Variants in ANKRD36 observed in about 807,000 individuals in gnomAD.
The protein encoded by ANKRD36 is ankyrin repeat domain-containing protein 36A.
Under a neutral mutation model 278.1 loss-of-function variants are expected in ANKRD36, and 179 were observed. The observed-to-expected ratio is 0.64, with a 90% CI of 0.57 to 0.73. The LOEUF is 0.73. ANKRD36 is among the 30% of genes least tolerant of loss of function. The pLI, the probability that ANKRD36 is intolerant of heterozygous loss-of-function variation, is 0.00. For missense variants in ANKRD36, 1,159 were observed against 1,956.7 expected (o/e 0.59, Z 7.69); for synonymous variants, 320 against 641.1 (o/e 0.50, Z 7.57).
chr2:97,159,835 G>T (rs2153485068), intron 17 of ANKRD36, among the ~76,000 whole-genome samples: 1 of 151,534 alleles, frequency 6.6e-6, no homozygotes, highest in African/African-American at 2.4e-5. Context: ...CAGGCTGGAG[G>T]GCAGTGGGCG....
intron 24 of ANKRD36, among the ~76,000 whole-genome samples, chr2:97,180,660 T>C (rs900223280): frequency 3.3e-5 from 5 of 151,642 alleles, no homozygotes; most frequent in African/African-American, 1.2e-4. Context: ...GAGATAAACT[T>C]GCATATGAAT....
At chr2:97,202,276 T>A (rs747017033) in intron 47 of ANKRD36, 45 bp from the exon 48 acceptor site, 2 of 1,603,498 alleles carry the variant, frequency 1.2e-6, no homozygotes, top group African/African-American at 2.7e-5. Flanking sequence ...ATGTATGGTC[T>A]ATGAAACATA....
At chr2:97,177,409 A>T (rs1428612713) in intron 22 of ANKRD36, among the ~76,000 whole-genome samples, 1 of 151,750 alleles carries the variant, frequency 6.6e-6, no homozygotes. Flanking sequence ...GAGGCATCAC[A>T]CTACCTGACT....
At position 97,187,196 on chromosome 2, in the gene ANKRD36, A is replaced by C. The variant is rs1443148096; in HGVS notation, c.2042-2A>C. 15 of 1,609,674 alleles carry C rather than the reference A, an allele frequency of 9.3e-6. No homozygotes were observed. The highest frequency in any genetic ancestry group is 1.3e-5 in the Non-Finnish European group (15 of 1,178,696). ...TGATTATGTATCCCTTTTGCTTTTC[A>C]GTGTCTTCTCAGAAACAACCAGCCT... On this transcript the variant is annotated splice_acceptor_variant, in intron 30 of 75. Transcript: ENST00000420699. LOFTEE classifies it high-confidence loss of function.
chr2:97,209,745 A>G (rs1419858873), intron 55 of ANKRD36, 36 bp downstream of exon 55: 1 of 1,584,202 alleles, frequency 6.3e-7, no homozygotes, highest in Admixed American at 1.7e-5. Context: ...GAGCTAGTAA[A>G]CGTATAGCCT....
At position 97,206,055 on chromosome 2, in the gene ANKRD36, C is replaced by A. The variant is rs748714226; in HGVS notation, c.3091-8C>A. 1.3e-6 allele frequency: 2 copies of A among 1,549,424 alleles called. No homozygotes were observed. Among genetic ancestry groups the A allele is most frequent in the South Asian group, 2.4e-5 (2 of 84,094 alleles). ...TTTATTTATTATTTTGTTTCAAATT[C>A]CATTCAGGCTACAAGTGATGAGGAA... On this transcript the variant is annotated splice_polypyrimidine_tract_variant and splice_region_variant and intron_variant, in intron 51 of 75. Transcript: ENST00000420699.
chr2:97,208,577 T>C (rs1477675945), intron 54 of ANKRD36, among the ~76,000 whole-genome samples: 2 of 146,100 alleles, frequency 1.4e-5, no homozygotes, highest in East Asian at 2.0e-4. Flanking sequence ...TCATAAAAAA[T>C]ATTTGCTTTT....
chr2:97,191,322 C>T (rs1408726602), intron 36 of ANKRD36, 141 bp downstream of exon 36: 2 of 1,081,372 alleles, frequency 1.8e-6, no homozygotes, highest in African/African-American at 1.6e-5. Flanking sequence ...GCAGTAAGTT[C>T]TTGGGTGATG....
intron 6 of ANKRD36, among the ~76,000 whole-genome samples, chr2:97,138,244 T>C (rs1398207630): frequency 2.6e-5 from 4 of 152,104 alleles, no homozygotes; most frequent in African/African-American, 7.2e-5. Context: ...AACTTCCTCA[T>C]GGTCTCAGGA....
chr2:97,175,436 G>A (rs1334084035), intron 22 of ANKRD36, among the ~76,000 whole-genome samples: 1 of 151,908 alleles, frequency 6.6e-6, no homozygotes, highest in East Asian at 1.9e-4. Flanking sequence ...AGTATTCTCT[G>A]ATGGTAGTTT....
intron 6 of ANKRD36, among the ~76,000 whole-genome samples, chr2:97,128,809 G>C (rs1254972575): frequency 1.3e-5 from 2 of 152,078 alleles, no homozygotes; most frequent in African/African-American, 2.4e-5. Flanking sequence ...TGAAACAAAA[G>C]TCTGGCAGTA....
chr2:97,208,896 T>A (rs2063599993), intron 54 of ANKRD36, among the ~76,000 whole-genome samples: 1 of 146,810 alleles, frequency 6.8e-6, no homozygotes, highest in East Asian at 2.0e-4. Flanking sequence ...TCAATGAATA[T>A]TGCAGTGATT....
intron 8 of ANKRD36, among the ~76,000 whole-genome samples, chr2:97,143,200 A>G (rs1446922356): frequency 1.3e-5 from 2 of 151,984 alleles, no homozygotes; most frequent in Non-Finnish European, 2.9e-5. Flanking sequence ...TGTTAAAACC[A>G]CATGGAAGAA....
chr2:97,176,911 T>C (rs1387143289), intron 22 of ANKRD36, among the ~76,000 whole-genome samples: 7 of 151,664 alleles, frequency 4.6e-5, no homozygotes, highest in Admixed American at 6.6e-5. Flanking sequence ...ATATGAAAAT[T>C]GTATATCTAG....
At chr2:97,127,906 T>C (rs1051684851) in intron 6 of ANKRD36, among the ~76,000 whole-genome samples, 1 of 152,014 alleles carries the variant, frequency 6.6e-6, no homozygotes, top group African/African-American at 2.4e-5. Flanking sequence ...AGAGGCCATG[T>C]TGATCTAGGA....
intron 46 of ANKRD36, among the ~76,000 whole-genome samples, chr2:97,201,548 G>C (rs1214543307): frequency 5.9e-5 from 9 of 151,902 alleles, no homozygotes; most frequent in Admixed American, 5.9e-4. Context: ...GGTGCCATGA[G>C]TGGATGAAGA....
intron 1 of ANKRD36, among the ~76,000 whole-genome samples, chr2:97,116,239 T>C (rs2035299746): frequency 6.6e-6 from 1 of 152,026 alleles, no homozygotes; most frequent in South Asian, 2.1e-4. Flanking sequence ...GAAAAAATAA[T>C]TCTCAGTTTC....
chr2:97,149,353 G>C lies in ANKRD36; in HGVS notation c.1093G>C (p.Glu365Gln), dbSNP rs1215547712. 2.6e-6 allele frequency: 4 copies of C among 1,532,812 alleles called. No individual in the cohort carries two copies. The highest frequency in any genetic ancestry group is 1.4e-5 in the African/African-American group (1 of 72,854). The allele number at this position is 1,532,812 out of a possible 1,614,324, so 95.0% of individuals were successfully genotyped here. A position where few individuals can be genotyped will look rare whatever the true frequency, so the allele number is the denominator to read the frequency against. The stretch of plus-strand genomic sequence containing the variant: ...TGTGACAGAGAATGAGTTTTCTTTG[G>C]AATCTGAGGTAGAGTACTCTCTTGT... ...QPVTENEFSL[E>Q]SEIISKLYIP... Residue 365 changes from glutamate to glutamine, a missense_variant, in exon 12 of 76, where the codon GAA (glutamate) becomes CAA (glutamine). Transcript: ENST00000420699.
At position 97,202,382 on chromosome 2, in the gene ANKRD36, A is replaced by G. The variant is rs1203000116; in HGVS notation, c.2948A>G (p.Lys983Arg). 1 of 1,551,772 alleles carries G rather than the reference A, an allele frequency of 6.4e-7. No homozygotes were observed. The highest frequency in any genetic ancestry group is 1.2e-5 in the South Asian group (1 of 84,298). ...GIARENKDGE[K>R]SRTVSSEKPP... is the part of the protein sequence containing the mutation. ...GCCAGAGAAAACAAGGATGGAGAAA[A>G]ATCTAGGACAGGTAATTTTGAAAAC... The change falls in exon 48 of 76, where the codon AAA becomes AGA. Residue 983 changes from lysine to arginine, a missense_variant. Lys to Arg is a conservative substitution (Grantham distance 26). Transcript: ENST00000420699.
Sources: gnomAD v4.1 joint callset for allele counts (sites outside exome capture counted in the v4.1 genomes callset) on GRCh38, gnomAD v4.1.1 for gene constraint, MANE v1.5 for transcripts, NCBI Gene and HGNC (gene_info 2026-07-23, HGNC 2026-07-21) for gene names.